STPG2: variants seen among roughly 807,000 people sequenced by gnomAD.
STPG2 encodes the protein sperm-tail PG-rich repeat-containing protein 2.
STPG2 carries 56 observed loss-of-function variants against 54.2 expected under a neutral mutation model. The ratio of observed to expected loss-of-function variants is 1.03; its 90% CI spans 0.83 to 1.29. The LOEUF is 1.29. Ranked by LOEUF, STPG2 falls within the 50% of genes most tolerant of loss-of-function variation. The pLI is 0.00. For synonymous variants in STPG2, 200 were observed against 181.8 expected (o/e 1.10, Z -0.81); for missense variants, 596 against 544.9 (o/e 1.09, Z -0.93).
intron 9 of STPG2, among the ~76,000 whole-genome samples, chr4:97,731,943 C>T (rs942878550): frequency 1.3e-5 from 2 of 152,212 alleles, no homozygotes; most frequent in Non-Finnish European, 2.9e-5. Flanking sequence ...GCTCCCATGC[C>T]TCAGCATAGC....
intron 5 of STPG2, among the ~76,000 whole-genome samples, chr4:98,083,564 T>C (rs1578840205): frequency 1.3e-5 from 2 of 152,224 alleles, no homozygotes; most frequent in Admixed American, 6.5e-5. Flanking sequence ...TCCATCACAT[T>C]TATCAATTCG....
chr4:97,507,755 A>T (rs1012663585), intron 4 of STPG2, among the ~76,000 whole-genome samples: 1 of 152,020 alleles, frequency 6.6e-6, no homozygotes, highest in Non-Finnish European at 1.5e-5. Flanking sequence ...TGAAAGATAC[A>T]CATAGGGTAA....
At chr4:97,449,134 T>G (rs1416786202) in intron 4 of STPG2, among the ~76,000 whole-genome samples, 2 of 152,070 alleles carry the variant, frequency 1.3e-5, no homozygotes, top group African/African-American at 4.8e-5. Flanking sequence ...ATATTAAATA[T>G]TCTTCTAAAA....
intron 4 of STPG2, among the ~76,000 whole-genome samples, chr4:97,490,877 A>C (rs1315033819): frequency 6.6e-6 from 1 of 151,584 alleles, no homozygotes; most frequent in African/African-American, 2.4e-5. Context: ...AAAAGCACAC[A>C]ATTAAACCTA....
chr4:97,684,116 A>G (rs982845910), intron 10 of STPG2, among the ~76,000 whole-genome samples: 9 of 151,892 alleles, frequency 5.9e-5, no homozygotes, highest in African/African-American at 1.9e-4. Context: ...GATATAAACA[A>G]AGAAATATTT....
In STPG2 at chr4:97,632,387, T is replaced by C. The variant is rs184171267; in HGVS notation, c.1321-73270A>G. Among the ~76,000 whole-genome samples, 20 of 151,954 alleles carry C rather than the reference T, an allele frequency of 1.3e-4. No individual in the cohort carries two copies. In the East Asian group the frequency reaches 3.9e-3, roughly 29 times the overall value. On this transcript the variant is annotated intron_variant, in intron 10 of 10. Transcript: ENST00000295268. Reference sequence around the variant, plus strand: ...AAAACTATCAAGCTGCAATAAAGACTAAATGTCTGTTAATGTTCATAATAA... The same window carrying C: ...AAAACTATCAAGCTGCAATAAAGACCAAATGTCTGTTAATGTTCATAATAA...
chr4:97,548,007 G>A lies in STPG2; in HGVS notation c.462+164692C>T, dbSNP rs142602783. Reference sequence around the variant, plus strand: ...CTCTACTAAAAATATAAAATTAGCCGGGCGTGGTGGCGCATGCCTGTAATC... The same window carrying A: ...CTCTACTAAAAATATAAAATTAGCCAGGCGTGGTGGCGCATGCCTGTAATC... On this transcript the variant is annotated intron_variant, in intron 4 of 4. Transcript: ENST00000522676. Among the ~76,000 whole-genome samples, 271 of 152,078 alleles carry A rather than the reference G, an allele frequency of 1.8e-3. 12 individuals carry two copies. The East Asian group carries it at 0.05, about 28-fold the overall frequency.
chr4:97,905,480 C>T (rs1308801743), intron 8 of STPG2, among the ~76,000 whole-genome samples: 3 of 151,876 alleles, frequency 2.0e-5, no homozygotes, highest in African/African-American at 2.4e-5. Flanking sequence ...AAGGAACAAC[C>T]GGTACCAGCC....
chr4:97,943,251 T>C (rs1427949117), intron 8 of STPG2, among the ~76,000 whole-genome samples: 1 of 152,136 alleles, frequency 6.6e-6, no homozygotes, highest in African/African-American at 2.4e-5. Context: ...CCTTGGGAGT[T>C]AGGATTTCAA....
At chr4:97,617,355 C>G (rs1322641944) in intron 10 of STPG2, among the ~76,000 whole-genome samples, 1 of 152,090 alleles carries the variant, frequency 6.6e-6, no homozygotes, top group East Asian at 1.9e-4. Context: ...AAGAAAAATA[C>G]TAGCTCTCAG....
intron 5 of STPG2, among the ~76,000 whole-genome samples, chr4:98,094,430 G>C (rs1296756508): frequency 6.6e-6 from 1 of 152,088 alleles, no homozygotes; most frequent in Non-Finnish European, 1.5e-5. Context: ...CACATTCCCA[G>C]CTGTGGTGGC....
intron 8 of STPG2, among the ~76,000 whole-genome samples, chr4:97,853,370 T>A (rs1196661759): frequency 6.6e-6 from 1 of 152,234 alleles, no homozygotes; most frequent in Non-Finnish European, 1.5e-5. Context: ...AGTTCATGTA[T>A]ACGTATGTAA....
intron 5 of STPG2, among the ~76,000 whole-genome samples, chr4:98,076,398 T>C (rs2110111987): frequency 6.6e-6 from 1 of 152,354 alleles, no homozygotes; most frequent in South Asian, 2.1e-4. Context: ...AGCTTGCTAC[T>C]TTCTGACTCA....
chr4:97,574,228 C>T (rs1451373040), intron 10 of STPG2, among the ~76,000 whole-genome samples: 2 of 151,940 alleles, frequency 1.3e-5, no homozygotes, highest in Non-Finnish European at 2.9e-5. Context: ...AAAAAAAAGT[C>T]ACTTCTAGAG....
chr4:97,935,411 G>T (rs1038812191), intron 8 of STPG2, among the ~76,000 whole-genome samples: 1 of 151,996 alleles, frequency 6.6e-6, no homozygotes, highest in African/African-American at 2.4e-5. Flanking sequence ...GTTATTTCTT[G>T]TCTTCTGCTA....
intron 5 of STPG2, among the ~76,000 whole-genome samples, chr4:98,055,293 C>T (rs1459463227): frequency 6.6e-6 from 1 of 151,848 alleles, no homozygotes; most frequent in East Asian, 1.9e-4. Flanking sequence ...GCAAGATGGC[C>T]AACTAGATGC....
chr4:97,681,956 T>C (rs1467391443), intron 10 of STPG2, among the ~76,000 whole-genome samples: 1 of 151,780 alleles, frequency 6.6e-6, no homozygotes, highest in Non-Finnish European at 1.5e-5. Flanking sequence ...GGAAGAAACA[T>C]TTATATCAAT....
chr4:97,538,632 A>T (rs1430132796), intron 4 of STPG2, among the ~76,000 whole-genome samples: 1 of 152,256 alleles, frequency 6.6e-6, no homozygotes, highest in Non-Finnish European at 1.5e-5. Context: ...CATATTATCC[A>T]GGAGAACTTC....
chr4:98,135,705 A>G (rs1740117309), intron 1 of STPG2, among the ~76,000 whole-genome samples: 1 of 151,766 alleles, frequency 6.6e-6, no homozygotes, highest in South Asian at 2.1e-4. Flanking sequence ...AAGGGAGGAA[A>G]GAAGGCAGAC....
Sources: allele counts gnomAD v4.1 joint callset (sites outside exome capture counted in the v4.1 genomes callset), GRCh38; gene constraint gnomAD v4.1.1; transcripts MANE v1.5; gene names NCBI Gene and HGNC (gene_info 2026-07-23, HGNC 2026-07-21).